MYH11: variants seen among roughly 807,000 people sequenced by gnomAD.
The protein encoded by MYH11 is myosin-11.
A neutral mutation model predicts 246.6 loss-of-function variants in MYH11; 80 were observed. The ratio of observed to expected loss-of-function variants is 0.32; its 90% CI spans 0.27 to 0.39. The LOEUF is 0.39. Among genes scored for constraint, MYH11 ranks in the 10% least tolerant of loss-of-function variants. The pLI is 1.00. For missense variants in MYH11, 2,158 were observed against 2,546.8 expected, an observed-to-expected ratio of 0.85 and a Z score of 3.29; for synonymous variants, 1,071 against 1,015.5, an observed-to-expected ratio of 1.05 and a Z score of -1.04.
intron 40 of MYH11, among the ~76,000 whole-genome samples, chr16:15,711,902 A>G (rs2151182837): frequency 6.6e-6 from 1 of 152,274 alleles, no homozygotes; most frequent in East Asian, 1.9e-4. Flanking sequence ...CATGTTGGTC[A>G]GGCTGGCCTT....
At chr16:15,710,179 C>T (rs572576285) in intron 40 of MYH11, among the ~76,000 whole-genome samples, 1 of 152,276 alleles carries the variant, frequency 6.6e-6, no homozygotes, top group South Asian at 2.1e-4. Context: ...CCCAAGAAGG[C>T]TCAAGTGTCT....
intron 14 of MYH11, among the ~76,000 whole-genome samples, chr16:15,755,833 G>A (rs1361349781): frequency 6.6e-6 from 1 of 152,234 alleles, no homozygotes; most frequent in African/African-American, 2.4e-5. Flanking sequence ...TTGGGAGGCT[G>A]AGGCAGGAGA....
rs190759402 is a variant in MYH11 at position 15,830,826 on chromosome 16, G to A, written c.345+7082C>T. 4.3e-4 allele frequency among the ~76,000 whole-genome samples: 65 copies of A among 152,198 alleles called. 3 individuals are homozygous for A. The highest frequency in any genetic ancestry group is 4.1e-3 in the East Asian group (21 of 5,178). On this transcript the variant is annotated intron_variant, in intron 2 of 40. Transcript: ENST00000300036. ...CCAGAAGGCATAGGTTGCAGGAGCC[G>A]AGATCGCACCATTGCACTCCAGCCT...
At chr16:15,706,117 G>A (rs1393322556) in intron 40 of MYH11, among the ~76,000 whole-genome samples, 1 of 152,092 alleles carries the variant, frequency 6.6e-6, no homozygotes, top group African/African-American at 2.4e-5. Context: ...TATAAAGGAT[G>A]GGACTTCCCG....
At chr16:15,832,999 G>A (rs2043783506) in intron 2 of MYH11, among the ~76,000 whole-genome samples, 1 of 115,878 alleles carries the variant, frequency 8.6e-6, no homozygotes, top group Admixed American at 1.2e-4. Flanking sequence ...GTCTCACTCT[G>A]TCACCCAGGC....
At chr16:15,835,428 T>C (rs574946007) in intron 2 of MYH11, among the ~76,000 whole-genome samples, 1 of 152,198 alleles carries the variant, frequency 6.6e-6, no homozygotes, top group Non-Finnish European at 1.5e-5. Flanking sequence ...TCACTATGCT[T>C]TCTGAACTCT....
intron 2 of MYH11, among the ~76,000 whole-genome samples, chr16:15,828,598 G>T (rs1036610472): frequency 4.6e-5 from 7 of 152,068 alleles, no homozygotes; most frequent in Non-Finnish European, 8.8e-5. Context: ...TTCGAGACCA[G>T]CCTGGCCAAC....
chr16:15,734,456 C>T (rs560540845), intron 26 of MYH11, among the ~76,000 whole-genome samples: 3 of 152,264 alleles, frequency 2.0e-5, no homozygotes, highest in Admixed American at 6.5e-5. Flanking sequence ...TGCGCCACCA[C>T]GCCCAGGTAA....
intron 40 of MYH11, among the ~76,000 whole-genome samples, chr16:15,711,811 G>T (rs1004771251): frequency 6.6e-6 from 1 of 152,128 alleles, no homozygotes; most frequent in Non-Finnish European, 1.5e-5. Flanking sequence ...TCCTGCCTCA[G>T]CCTCCCTAGT....
At chr16:15,837,603 T>G (rs537787430) in intron 2 of MYH11, among the ~76,000 whole-genome samples, 25 of 150,756 alleles carry the variant, frequency 1.7e-4, no homozygotes, top group African/African-American at 5.6e-4. Flanking sequence ...TGGTACAGTC[T>G]TGGCTCACTG....
At chr16:15,748,280 A>G in intron 16 of MYH11, 112 bp from the exon 17 acceptor site, 1 of 1,545,846 alleles carries the variant, frequency 6.5e-7, no homozygotes, top group Non-Finnish European at 8.7e-7. Context: ...GGGTACCAAC[A>G]GAAGCACCCA....
Position 15,717,162 on chromosome 16 carries a change from C to G in MYH11, c.5482G>C (p.Glu1828Gln). Residue 1828 changes from glutamate (E) to glutamine (Q), a missense_variant, in exon 38 of 41, where the codon GAG becomes CAG. Glu to Gln is a conservative substitution (Grantham distance 29). Coordinates refer to ENST00000300036, the MANE Select transcript of MYH11 (RefSeq NM_002474.3). ...ALEAKIAQLE[E>Q]QVEQEAREKQ... Reference sequence around the variant, plus strand: ...TACCTGGCCTCCTGCTCGACCTGCTCCTCCAGCTGTGCAATCTTGGCCTCC... The same window carrying G: ...TACCTGGCCTCCTGCTCGACCTGCTGCTCCAGCTGTGCAATCTTGGCCTCC... 6.2e-7 allele frequency: 1 copy of G among 1,614,188 alleles called. No individual in the cohort carries two copies. The highest frequency in any genetic ancestry group is 2.2e-5 in the East Asian group (1 of 44,880).
intron 40 of MYH11, 64 bp from the exon 41 acceptor site, chr16:15,704,187 A>T: frequency 6.3e-7 from 1 of 1,598,258 alleles, no homozygotes; most frequent in Non-Finnish European, 8.5e-7. Context: ...TAGATTTTTT[A>T]TAAATCTATT....
intron 40 of MYH11, chr16:15,714,551 G>T (rs556672614): frequency 7.4e-6 from 3 of 406,538 alleles, no homozygotes; most frequent in East Asian, 5.1e-5. Flanking sequence ...GTGAAGTGGC[G>T]GGGGGTGGTG....
intron 40 of MYH11, among the ~76,000 whole-genome samples, chr16:15,707,926 T>G (rs1290150631): frequency 2.1e-5 from 3 of 142,578 alleles, no homozygotes; most frequent in African/African-American, 8.0e-5. Flanking sequence ...GAGCCAAGAT[T>G]GCGCCATTGC....
chr16:15,816,157 T>A (rs2043256659), intron 3 of MYH11, among the ~76,000 whole-genome samples: 1 of 152,038 alleles, frequency 6.6e-6, no homozygotes, highest in Non-Finnish European at 1.5e-5. Flanking sequence ...GAGGAAGACA[T>A]GAAAACTGGG....
chr16:15,851,830 G>C (rs1041354126), intron 1 of MYH11, among the ~76,000 whole-genome samples: 1 of 152,132 alleles, frequency 6.6e-6, no homozygotes, highest in Non-Finnish European at 1.5e-5. Flanking sequence ...TGGTTGGCAA[G>C]AGTTACGGTA....
chr16:15,751,158 T>TATCATC (rs200424467), intron 15 of MYH11, among the ~76,000 whole-genome samples: 2 of 143,860 alleles, frequency 1.4e-5, no homozygotes, highest in African/African-American at 5.2e-5. Flanking sequence ...TTATTATTAT[T>TATCATC]ATCATTATTT....
At chr16:15,718,568 T>C in intron 36 of MYH11, 130 bp from the exon 37 acceptor site, 1 of 1,336,540 alleles carries the variant, frequency 7.5e-7, no homozygotes. Context: ...TGGAGAAGAT[T>C]AGAAGACTCA....
Sources: allele counts gnomAD v4.1 joint callset (sites outside exome capture counted in the v4.1 genomes callset), GRCh38; gene constraint gnomAD v4.1.1; transcripts MANE v1.5; gene names NCBI Gene and HGNC (gene_info 2026-07-23, HGNC 2026-07-21).